Variants in IGSF10 observed in about 807,000 individuals in gnomAD.
The protein encoded by IGSF10 is calvaria mechanical force protein 608.
In IGSF10, 126 loss-of-function variants were observed where a neutral mutation model predicts 128.2. The observed-to-expected ratio is 0.98, with a 90% CI of 0.85 to 1.14. The LOEUF is 1.14. Ranked by LOEUF, IGSF10 falls within the 50% of genes most tolerant of loss-of-function variation. The pLI, the probability that IGSF10 is intolerant of heterozygous loss-of-function variation, is 0.00. For missense variants in IGSF10, 3,295 were observed against 3,149.8 expected, an observed-to-expected ratio of 1.05 and a Z score of -1.10; for synonymous variants, 1,185 against 1,146.2, an observed-to-expected ratio of 1.03 and a Z score of -0.68.
chr3:151,515,726 TG>T, the IGSF10 span, among the ~76,000 whole-genome samples: 1 of 4,806 alleles, frequency 2.1e-4, no homozygotes, highest in Non-Finnish European at 4.2e-4. Flanking sequence ...ATATTACGTG[TG>T]TGTGTGTGTG....
the IGSF10 span, among the ~76,000 whole-genome samples, chr3:151,556,235 CA>C: frequency 5.5e-4 from 83 of 152,086 alleles, no homozygotes; most frequent in African/African-American, 1.9e-3. Flanking sequence ...AGGAAAATTA[CA>C]AAAAAATATT....
At chr3:151,449,596 T>C (rs757342926) in intron 5 of IGSF10, among the ~76,000 whole-genome samples, 2 of 152,242 alleles carry the variant, frequency 1.3e-5, no homozygotes, top group Admixed American at 6.5e-5. Context: ...CAAAATGATA[T>C]GCTCATGTTT....
At chr3:151,484,321 A>AC in the IGSF10 span, among the ~76,000 whole-genome samples, 1 of 151,216 alleles carries the variant, frequency 6.6e-6, no homozygotes, top group Non-Finnish European at 1.5e-5. Flanking sequence ...ATAGATAAAA[A>AC]CCCCCACCTC....
chr3:151,600,046 A>G, the IGSF10 span, among the ~76,000 whole-genome samples: 1 of 152,202 alleles, frequency 6.6e-6, no homozygotes, highest in Non-Finnish European at 1.5e-5. Flanking sequence ...TGTCTGTATC[A>G]TTTTCAGTTA....
In IGSF10 at chr3:151,447,095, ACT is replaced by A; in HGVS notation, c.2884_2885del (p.Ser962Ter). ...NSHQTSVREV[S>X]EPRHNHFYSH... ...AATAGAAGTGATTGTGCCTGGGTTC[ACT>A]CACTTCTCTTACAGATGTCTGATGA... On this transcript the variant is annotated frameshift_variant, in exon 6 of 8. Transcript: ENST00000282466. LOFTEE classifies it high-confidence loss of function. 6.2e-7 allele frequency: 1 copy of A among 1,614,116 alleles called. No homozygotes were observed.
chr3:151,532,027 CCAT>C, the IGSF10 span, among the ~76,000 whole-genome samples: 3 of 152,056 alleles, frequency 2.0e-5, no homozygotes, highest in Admixed American at 1.3e-4. Context: ...ATACAAACTA[CCAT>C]CAAAGAATAC....
intron 7 of IGSF10, among the ~76,000 whole-genome samples, chr3:151,438,894 A>G (rs1180777484): frequency 2.6e-5 from 4 of 151,842 alleles, no homozygotes; most frequent in African/African-American, 9.7e-5. Flanking sequence ...ACGATTAACT[A>G]GCATGTCCAT....
the IGSF10 span, among the ~76,000 whole-genome samples, chr3:151,604,705 G>C: frequency 6.6e-6 from 1 of 151,370 alleles, no homozygotes; most frequent in Admixed American, 6.6e-5. Context: ...GGCTTGTTTG[G>C]TAAGCTTTGA....
chr3:151,461,122 TCAG>T (rs903716757), upstream of IGSF10: 1 of 985,248 alleles, frequency 1.0e-6, no homozygotes, highest in Non-Finnish European at 1.2e-6. Flanking sequence ...CGGCCGGGGC[TCAG>T]CAGCACAAGG....
intron 7 of IGSF10, among the ~76,000 whole-genome samples, chr3:151,440,228 CTG>C (rs1720767399): frequency 6.6e-6 from 1 of 152,146 alleles, no homozygotes; most frequent in African/African-American, 2.4e-5. Flanking sequence ...CAGGGTCTCA[CTG>C]TGTTGCCAAG....
At chr3:151,457,004 C>G (rs767803637) in intron 4 of IGSF10, 22 bp downstream of exon 4, 1 of 1,613,866 alleles carries the variant, frequency 6.2e-7, no homozygotes, top group South Asian at 1.1e-5. Flanking sequence ...TTTAACCTGC[C>G]CCCTCTCTCC....
chr3:151,474,031 A>C, the IGSF10 span, among the ~76,000 whole-genome samples: 2 of 152,002 alleles, frequency 1.3e-5, no homozygotes, highest in Non-Finnish European at 2.9e-5. Context: ...ATTTAAAGCT[A>C]ATTTGTGAAT....
At chr3:151,617,351 C>G in the IGSF10 span, among the ~76,000 whole-genome samples, 2 of 146,596 alleles carry the variant, frequency 1.4e-5, no homozygotes, top group Non-Finnish European at 3.0e-5. Flanking sequence ...TCCTCCTCCT[C>G]CTCCTCCTTC....
chr3:151,532,575 A>G, the IGSF10 span, among the ~76,000 whole-genome samples: 2 of 152,184 alleles, frequency 1.3e-5, no homozygotes, highest in East Asian at 3.8e-4. Context: ...AATGATAAAA[A>G]CCACATGATT....
At chr3:151,558,029 TGGTACA>T in the IGSF10 span, among the ~76,000 whole-genome samples, 6 of 65,112 alleles carry the variant, frequency 9.2e-5, no homozygotes, top group Non-Finnish European at 1.7e-4. Flanking sequence ...ATATATATAT[TGGTACA>T]ATATGTTTGT....
At position 151,436,602 on chromosome 3, in the gene IGSF10, T is replaced by G. The variant is rs930026119; in HGVS notation, c.*87A>C. The G allele has an allele frequency of 2.5e-5, 22 of 896,954 alleles. No individual in the cohort carries two copies. Among genetic ancestry groups the G allele is most frequent in the Middle Eastern group, 3.5e-4 (1 of 2,872 alleles). The allele number at this position is 896,954 out of a possible 1,614,324, so 55.6% of individuals were successfully genotyped here. A position where few individuals can be genotyped will look rare whatever the true frequency, so the allele number is the denominator to read the frequency against. ...ATTTAATACTGTAAATGTATTCAAATTCATTTACATGCCTATGGCTGCCTT... is the reference window on the plus strand; with the variant it reads ...ATTTAATACTGTAAATGTATTCAAAGTCATTTACATGCCTATGGCTGCCTT... On this transcript the variant is annotated 3_prime_UTR_variant, in exon 8 of 8. Transcript: ENST00000282466.
At chr3:151,485,467 C>T in the IGSF10 span, among the ~76,000 whole-genome samples, 1 of 152,136 alleles carries the variant, frequency 6.6e-6, no homozygotes, top group African/African-American at 2.4e-5. Context: ...AAAGATACTC[C>T]TTGAGAAGAA....
the IGSF10 span, among the ~76,000 whole-genome samples, chr3:151,540,869 A>G: frequency 1.3e-5 from 2 of 152,232 alleles, no homozygotes; most frequent in Non-Finnish European, 2.9e-5. Flanking sequence ...AGGAACTTTC[A>G]GAGCCACAGT....
the IGSF10 span, among the ~76,000 whole-genome samples, chr3:151,610,927 C>T: frequency 1.3e-5 from 2 of 152,238 alleles, no homozygotes; most frequent in East Asian, 3.9e-4. Context: ...CACTTAATAC[C>T]ATCACAAGGA....
Sources: allele counts gnomAD v4.1 joint callset (sites outside exome capture counted in the v4.1 genomes callset), GRCh38; gene constraint gnomAD v4.1.1; transcripts MANE v1.5; gene names NCBI Gene and HGNC (gene_info 2026-07-23, HGNC 2026-07-21).